Variants in LSM14A observed in about 807,000 individuals in gnomAD.
The protein encoded by LSM14A is LSM14A mRNA processing body assembly factor, also known as protein LSM14 homolog A.
In LSM14A, 14 loss-of-function variants were observed where a neutral mutation model predicts 52.4. The ratio of observed to expected loss-of-function variants is 0.27; its 90% CI spans 0.18 to 0.42. LSM14A has a LOEUF of 0.42. Ranked by LOEUF, LSM14A falls within the 10% of genes least tolerant of loss-of-function variation. LSM14A has a pLI of 1.00. For synonymous variants in LSM14A, 185 were observed against 200.3 expected (o/e 0.92, Z 0.64); for missense variants, 417 against 581.8 (o/e 0.72, Z 2.91).
chr19:34,226,069 AAAAG>A (rs1031655933), intron 9 of LSM14A, among the ~76,000 whole-genome samples: 7 of 151,994 alleles, frequency 4.6e-5, no homozygotes, highest in Non-Finnish European at 1.0e-4. Flanking sequence ...TCAAAAAAAA[AAAAG>A]AAAAGAAAGA....
At position 34,219,653 on chromosome 19, in the gene LSM14A, A is replaced by G. The variant is rs149431669; in HGVS notation, c.965-53A>G. ...GATGTTTCTCAGATTAGGTGTTTTT[A>G]TGTAATTCAGATTAGCTGTCTTGAC... is the stretch of plus-strand genomic sequence containing the variant. On this transcript the variant is annotated intron_variant, in intron 7 of 9. Transcript: ENST00000544216. The G allele has an allele frequency of 1.6e-4, 258 of 1,576,304 alleles. No homozygotes were observed. The African/African-American group carries it at 2.8e-3, about 17-fold the overall frequency.
At chr19:34,189,505 C>T (rs2070190796) in intron 1 of LSM14A, among the ~76,000 whole-genome samples, 1 of 152,102 alleles carries the variant, frequency 6.6e-6, no homozygotes. Flanking sequence ...CACCTATGTT[C>T]AGCTTAAAAC....
intron 1 of LSM14A, among the ~76,000 whole-genome samples, chr19:34,175,660 A>G (rs1012574020): frequency 1.3e-5 from 2 of 152,244 alleles, no homozygotes; most frequent in Non-Finnish European, 2.9e-5. Flanking sequence ...AAACTACATT[A>G]TAACTGTCTA....
intron 9 of LSM14A, among the ~76,000 whole-genome samples, chr19:34,224,089 G>A (rs960807773): frequency 6.6e-6 from 1 of 152,138 alleles, no homozygotes; most frequent in Non-Finnish European, 1.5e-5. Flanking sequence ...AGCACTTTGG[G>A]AGGCTGAGGT....
chr19:34,226,325 C>A, intron 9 of LSM14A: 1 of 1,259,978 alleles, frequency 7.9e-7, no homozygotes, highest in Non-Finnish European at 1.1e-6. Context: ...TCTCTCTCCT[C>A]TCCCCCTTTC....
intron 6 of LSM14A, among the ~76,000 whole-genome samples, 176 bp downstream of exon 6, chr19:34,215,837 A>G (rs10422869): frequency 0.35 from 53,143 of 152,034 alleles, 9,741 homozygotes; most frequent in African/African-American, 0.4. Context: ...TTGTGGTGGT[A>G]GTTTTGCAAA....
chr19:34,189,103 T>C (rs1223587076), intron 1 of LSM14A, among the ~76,000 whole-genome samples: 1 of 152,176 alleles, frequency 6.6e-6, no homozygotes, highest in Non-Finnish European at 1.5e-5. Context: ...GCCTGCCTAA[T>C]ATTACTTAAA....
intron 1 of LSM14A, among the ~76,000 whole-genome samples, chr19:34,173,770 G>C (rs536218128): frequency 1.3e-5 from 2 of 152,294 alleles, no homozygotes; most frequent in Non-Finnish European, 2.9e-5. Context: ...TCTGGTAGAG[G>C]TGGGAACTGC....
chr19:34,226,274 G>T (rs2073332775), intron 9 of LSM14A: 2 of 919,890 alleles, frequency 2.2e-6, no homozygotes, highest in Admixed American at 3.2e-5. Flanking sequence ...CTCAGATGGG[G>T]TTCAAAGACA....
chr19:34,218,610 A>G (rs1350198743), intron 6 of LSM14A, among the ~76,000 whole-genome samples: 2 of 152,216 alleles, frequency 1.3e-5, no homozygotes, highest in Non-Finnish European at 2.9e-5. Flanking sequence ...TTCAGTTAAC[A>G]TCAAATATTC....
At chr19:34,173,226 T>G (rs1038261407) in intron 1 of LSM14A, among the ~76,000 whole-genome samples, 13 of 152,244 alleles carry the variant, frequency 8.5e-5, no homozygotes, top group Non-Finnish European at 1.5e-4. Flanking sequence ...GGTGAACTCT[T>G]GAGTAATGTG....
chr19:34,205,791 A>G (rs758407748), intron 3 of LSM14A, among the ~76,000 whole-genome samples: 11 of 152,156 alleles, frequency 7.2e-5, no homozygotes, highest in East Asian at 1.9e-4. Context: ...GCAGAAATCA[A>G]TGAAGTAGAA....
chr19:34,192,316 G>GGTT (rs1341848304), intron 1 of LSM14A, among the ~76,000 whole-genome samples: 4 of 65,822 alleles, frequency 6.1e-5, no homozygotes, highest in South Asian at 8.8e-4. Context: ...CATTCTTTTT[G>GGTT]TTGTTTTTTT....
At chr19:34,208,898 T>C in intron 3 of LSM14A, 31 bp from the exon 4 acceptor site, 1 of 1,488,922 alleles carries the variant, frequency 6.7e-7, no homozygotes, top group Admixed American at 2.4e-5. Flanking sequence ...TTTTTTAAAA[T>C]TTTTTTATCA....
At chr19:34,184,055 CTTTT>C (rs34912989) in intron 1 of LSM14A, among the ~76,000 whole-genome samples, 1 of 129,876 alleles carries the variant, frequency 7.7e-6, no homozygotes, top group Non-Finnish European at 1.6e-5. Flanking sequence ...CTTTCCTTTG[CTTTT>C]TTTTTTTTTT....
intron 8 of LSM14A, 32 bp from the exon 9 acceptor site, chr19:34,221,475 G>A (rs1248702191): frequency 4.4e-6 from 7 of 1,597,738 alleles, no homozygotes; most frequent in Non-Finnish European, 6.0e-6. Context: ...TTTTAAACCT[G>A]ATATGCTGAA....
chr19:34,176,701 G>A (rs2069111676), intron 1 of LSM14A, among the ~76,000 whole-genome samples: 1 of 152,080 alleles, frequency 6.6e-6, no homozygotes, highest in Non-Finnish European at 1.5e-5. Context: ...TAGATTGTTT[G>A]CAGTTTGGGG....
intron 1 of LSM14A, among the ~76,000 whole-genome samples, chr19:34,175,387 C>T (rs546562814): frequency 3.2e-4 from 48 of 152,228 alleles, no homozygotes; most frequent in Non-Finnish European, 2.8e-4. Flanking sequence ...CGTGCCACCA[C>T]GCTTGGCTAA....
In LSM14A at chr19:34,192,741, G is replaced by A. The variant is rs560799617; in HGVS notation, c.122-1737G>A. On this transcript the variant is annotated intron_variant, in intron 1 of 9. Transcript: ENST00000544216. Reference sequence around the variant, plus strand: ...TGTGATGCCAGCACTTTGGGAAGCCGAAGCGGATGGATCACTTGAGGTCAG... The same window carrying A: ...TGTGATGCCAGCACTTTGGGAAGCCAAAGCGGATGGATCACTTGAGGTCAG... 1.4e-4 allele frequency among the ~76,000 whole-genome samples: 21 copies of A among 149,276 alleles called. No homozygotes were observed. In the East Asian group the frequency reaches 2.6e-3, roughly 18 times the overall value.
Sources: gnomAD v4.1 joint callset for allele counts (sites outside exome capture counted in the v4.1 genomes callset) on GRCh38, gnomAD v4.1.1 for gene constraint, MANE v1.5 for transcripts, NCBI Gene and HGNC (gene_info 2026-07-23, HGNC 2026-07-21) for gene names.